SOCS6: variants seen among roughly 807,000 people sequenced by gnomAD.
The protein encoded by SOCS6 is suppressor of cytokine signaling 6.
SOCS6 carries 5 observed loss-of-function variants against 27.7 expected under a neutral mutation model. The observed-to-expected ratio is 0.18, with a 90% CI of 0.09 to 0.38. The LOEUF is 0.38. Among genes scored for constraint, SOCS6 ranks in the 10% least tolerant of loss-of-function variants. The pLI, the probability that SOCS6 is intolerant of heterozygous loss-of-function variation, is 1.00. For synonymous variants in SOCS6, 271 were observed against 260.0 expected, an observed-to-expected ratio of 1.04 and a Z score of -0.41; for missense variants, 595 against 688.1, an observed-to-expected ratio of 0.86 and a Z score of 1.51.
Position 70,328,471 on chromosome 18 carries a change from C to T in SOCS6, c.*2195C>T, listed in dbSNP as rs1470670726. ...CATCATGCCATGTGTTTAAGATCTA[C>T]CCGCTTAGTGTCAAGATTATTGAGA... On this transcript the variant is annotated 3_prime_UTR_variant, in exon 2 of 2. Coordinates refer to ENST00000397942, the MANE Select transcript of SOCS6 (RefSeq NM_004232.4). 2 of 166,690 alleles carry T rather than the reference C, an allele frequency of 1.2e-5. No homozygotes were observed. Among genetic ancestry groups the T allele is most frequent in the Non-Finnish European group, 2.9e-5 (2 of 68,100 alleles). The allele number at this position is 166,690 out of a possible 1,614,324, so 10.3% of individuals were successfully genotyped here.
At chr18:70,305,343 A>G (rs965736673) in intron 1 of SOCS6, among the ~76,000 whole-genome samples, 2 of 152,232 alleles carry the variant, frequency 1.3e-5, no homozygotes, top group African/African-American at 4.8e-5. Context: ...TCCCAGCACC[A>G]TTTGTCAAGA....
chr18:70,328,948 T>G lies in SOCS6; in HGVS notation c.*2672T>G, dbSNP rs1017126005. ...TGACATGGACACAGCCTATGAGTGCTTTTTAAATACGTGCTTCTAAAAATC... is the reference window on the plus strand; with the variant it reads ...TGACATGGACACAGCCTATGAGTGCGTTTTAAATACGTGCTTCTAAAAATC... On this transcript the variant is annotated 3_prime_UTR_variant, in exon 2 of 2. Transcript: ENST00000397942. 6.0e-6 allele frequency: 1 copy of G among 167,050 alleles called. No homozygotes were observed. Among genetic ancestry groups the G allele is most frequent in the South Asian group, 2.1e-4 (1 of 4,826 alleles). The allele number at this position is 167,050 out of a possible 1,614,324, so 10.3% of individuals were successfully genotyped here.
At chr18:70,297,267 G>T (rs528257364) in intron 1 of SOCS6, among the ~76,000 whole-genome samples, 1 of 151,922 alleles carries the variant, frequency 6.6e-6, no homozygotes, top group Non-Finnish European at 1.5e-5. Context: ...GTCATCTGCC[G>T]TAATTCGCTT....
chr18:70,291,600 A>G (rs1254094154), intron 1 of SOCS6, among the ~76,000 whole-genome samples: 1 of 152,168 alleles, frequency 6.6e-6, no homozygotes, highest in Non-Finnish European at 1.5e-5. Flanking sequence ...TTTTTGATGG[A>G]GCAAAAACGA....
intron 1 of SOCS6, among the ~76,000 whole-genome samples, chr18:70,295,019 C>G (rs1365387584): frequency 6.6e-6 from 1 of 152,140 alleles, no homozygotes; most frequent in Admixed American, 6.5e-5. Context: ...ATCTGAAGGC[C>G]TGGAAGGCAG....
intron 1 of SOCS6, among the ~76,000 whole-genome samples, chr18:70,295,835 C>T (rs1317794835): frequency 2.0e-5 from 3 of 152,202 alleles, no homozygotes; most frequent in Non-Finnish European, 2.9e-5. Flanking sequence ...GAGTCACACA[C>T]CACATTAGTA....
rs1911118349 is a variant in SOCS6 at position 70,324,653 on chromosome 18, T to G, written c.-16T>G. 6.7e-7 allele frequency: 1 copy of G among 1,495,198 alleles called. No homozygotes were observed. Among genetic ancestry groups the G allele is most frequent in the South Asian group, 1.2e-5 (1 of 80,248 alleles). 92.6% of individuals were successfully genotyped at this position (1,495,198 alleles called of 1,614,324 possible). On this transcript the variant is annotated 5_prime_UTR_variant, in exon 2 of 2. In the 5' UTR this introduces an upstream ATG that the reference lacks. Coordinates refer to ENST00000397942, the MANE Select transcript of SOCS6 (RefSeq NM_004232.4). ...AGATAGAAATATTGATCCCTTGGAT[T>G]AGGTAACTAGTCATAATGAAGAAAA...
chr18:70,316,589 C>CT (rs2062412428), intron 1 of SOCS6, among the ~76,000 whole-genome samples: 1 of 151,956 alleles, frequency 6.6e-6, no homozygotes, highest in African/African-American at 2.4e-5. Flanking sequence ...TAATGTGCCC[C>CT]TTTTCATTTT....
intron 1 of SOCS6, among the ~76,000 whole-genome samples, chr18:70,319,467 T>A (rs1000357245): frequency 2.6e-5 from 4 of 152,196 alleles, no homozygotes; most frequent in African/African-American, 9.6e-5. Context: ...ACATCATTTG[T>A]CTTTTTTACT....
At position 70,325,080 on chromosome 18, in the gene SOCS6, C is replaced by G. The variant is rs1911144970; in HGVS notation, c.412C>G (p.Pro138Ala). 1 of 1,613,950 alleles carries G rather than the reference C, an allele frequency of 6.2e-7. No individual in the cohort carries two copies. Among genetic ancestry groups the G allele is most frequent in the Non-Finnish European group, 8.5e-7 (1 of 1,180,038 alleles). The change falls in exon 2 of 2, where the codon CCT becomes GCT. Residue 138 changes from proline (P) to alanine (A), a missense_variant. Physicochemically the swap from Pro to Ala is conservative, Grantham distance 27 (BLOSUM62 -1). Transcript: ENST00000397942. The surrounding 1 kb of genome is among the most constrained non-coding windows in gnomAD (Gnocchi z 6.3). ...CCATCACTACAGTCCCGCGCCGTGG[C>G]CTCTGCGGCCCACAAACTCCGAGGA... ...RSHHYSPAPW[P>A]LRPTNSEETC...
intron 1 of SOCS6, among the ~76,000 whole-genome samples, chr18:70,307,642 A>G (rs2062374828): frequency 6.6e-6 from 1 of 152,144 alleles, no homozygotes; most frequent in Non-Finnish European, 1.5e-5. Context: ...AAGGTGATTT[A>G]TAGTATTCCC....
At chr18:70,291,801 A>G (rs974470288) in intron 1 of SOCS6, among the ~76,000 whole-genome samples, 5 of 152,210 alleles carry the variant, frequency 3.3e-5, no homozygotes, top group Non-Finnish European at 7.3e-5. Context: ...CTTTTGTAAA[A>G]TTATTCATTT....
At position 70,325,318 on chromosome 18, in the gene SOCS6, C is replaced by T. The variant is rs757186537; in HGVS notation, c.650C>T (p.Pro217Leu). The change falls in exon 2 of 2, where the codon CCT (proline) becomes CTT (leucine). Residue 217 changes from proline (P) to leucine (L), a missense_variant. By Grantham distance (98) the Pro-to-Leu change is moderately conservative. Around this residue, in one of 2 missense-constraint regions of SOCS6, gnomAD observed 467 missense variants for 481.1 expected, o/e 0.97. Coordinates refer to ENST00000397942, the MANE Select transcript of SOCS6 (RefSeq NM_004232.4). The surrounding 1 kb of genome is among the most constrained non-coding windows in gnomAD (Gnocchi z 6.3). Reference protein sequence around the residue: ...EHVPVVIGLMPQDYIQYTVPL... With the variant: ...EHVPVVIGLMLQDYIQYTVPL... Reference sequence around the variant, plus strand: ...GTGCCTGTCGTTATTGGACTTATGCCTCAGGACTACATTCAGTATACTGTG... The same window carrying T: ...GTGCCTGTCGTTATTGGACTTATGCTTCAGGACTACATTCAGTATACTGTG... 3.1e-6 allele frequency: 5 copies of T among 1,614,194 alleles called. No individual in the cohort carries two copies. Among genetic ancestry groups the T allele is most frequent in the Non-Finnish European group, 4.2e-6 (5 of 1,180,010 alleles).
At chr18:70,309,511 G>A (rs2062382074) in intron 1 of SOCS6, among the ~76,000 whole-genome samples, 1 of 151,990 alleles carries the variant, frequency 6.6e-6, no homozygotes, top group South Asian at 2.1e-4. Context: ...CTCTCTTGAC[G>A]TTTTATTTTT....
Position 70,325,169 on chromosome 18 carries a change from C to G in SOCS6, c.501C>G (p.Ala167=). 6.2e-7 allele frequency: 1 copy of G among 1,614,108 alleles called. No homozygotes were observed. The highest frequency in any genetic ancestry group is 8.5e-7 in the Non-Finnish European group (1 of 1,179,978). The change falls in exon 2 of 2, where the codon GCC becomes GCG. Residue 167 remains alanine (A), a synonymous_variant. Coordinates refer to ENST00000397942, the MANE Select transcript of SOCS6 (RefSeq NM_004232.4). The surrounding 1 kb of genome is among the most constrained non-coding windows in gnomAD (Gnocchi z 6.3). The stretch of plus-strand genomic sequence containing the variant: ...TTCACTCTTCCAGCCCGAGTCCAGC[C>G]CTGAATGGCGTCCGGAAGGATTTCC... ...ALVHSSSPSP[A]LNGVRKDFHD...
At chr18:70,316,014 C>T (rs914990764) in intron 1 of SOCS6, among the ~76,000 whole-genome samples, 33 of 151,850 alleles carry the variant, frequency 2.2e-4, no homozygotes, top group African/African-American at 7.3e-4. Flanking sequence ...CCACGCCCAG[C>T]GAATTTTTTA....
At chr18:70,299,724 G>A (rs1198894002) in intron 1 of SOCS6, among the ~76,000 whole-genome samples, 1 of 152,062 alleles carries the variant, frequency 6.6e-6, no homozygotes, top group African/African-American at 2.4e-5. Context: ...TCTATCTCAG[G>A]AAATCCCAAA....
chr18:70,311,896 T>A (rs1316941877), intron 1 of SOCS6, among the ~76,000 whole-genome samples: 1 of 152,188 alleles, frequency 6.6e-6, no homozygotes, highest in African/African-American at 2.4e-5. Flanking sequence ...AAATGAATTA[T>A]GCAGTAAATG....
At position 70,329,736 on chromosome 18, in the gene SOCS6, C is replaced by G. The variant is rs769530738; in HGVS notation, c.*3460C>G. 3.6e-5 allele frequency: 6 copies of G among 167,036 alleles called. No individual in the cohort carries two copies. Among genetic ancestry groups the G allele is most frequent in the Non-Finnish European group, 7.3e-5 (5 of 68,096 alleles). 10.3% of individuals were successfully genotyped at this position (167,036 alleles called of 1,614,324 possible). A position where few individuals can be genotyped will look rare whatever the true frequency, so the allele number is the denominator to read the frequency against. On this transcript the variant is annotated 3_prime_UTR_variant, in exon 2 of 2. Transcript: ENST00000397942. Reference sequence around the variant, plus strand: ...AAAAGTGTTGGTACACTAGCAATCACAAATATGGTTTCTTTTAATACTTTT... The same window carrying G: ...AAAAGTGTTGGTACACTAGCAATCAGAAATATGGTTTCTTTTAATACTTTT...
Sources: gnomAD v4.1 joint callset for allele counts (sites outside exome capture counted in the v4.1 genomes callset) on GRCh38, gnomAD v4.1.1 for gene constraint, gnomAD v4.1.1 regional missense constraint, Gnocchi (gnomAD v3.1) non-coding constraint, MANE v1.5 for transcripts, NCBI Gene and HGNC (gene_info 2026-07-23, HGNC 2026-07-21) for gene names.